Variants in SLC9A9 observed in about 807,000 individuals in gnomAD.
The protein encoded by SLC9A9 is solute carrier family 9 member A9, also known as sodium/hydrogen exchanger 9.
Under a neutral mutation model 77.8 loss-of-function variants are expected in SLC9A9, and 62 were observed. The ratio of observed to expected loss-of-function variants is 0.80; its 90% CI spans 0.65 to 0.98. The LOEUF (loss-of-function observed/expected upper bound fraction) is 0.98, where lower values mean the gene tolerates loss of function less well. SLC9A9 is among the 50% of genes least tolerant of loss of function. The pLI is 0.00. For synonymous variants in SLC9A9, 320 were observed against 283.5 expected (o/e 1.13, Z -1.29); for missense variants, 775 against 774.9 (o/e 1.00, Z 0.00).
At chr3:143,569,760 A>G (rs144860864) in intron 8 of SLC9A9, among the ~76,000 whole-genome samples, 85 of 151,742 alleles carry the variant, frequency 5.6e-4, no homozygotes, top group African/African-American at 2.0e-3. Flanking sequence ...AAATTGGAGA[A>G]TATTTATGGC....
chr3:143,530,423 G>A (rs554232643), intron 9 of SLC9A9, among the ~76,000 whole-genome samples: 1 of 152,262 alleles, frequency 6.6e-6, no homozygotes, highest in East Asian at 1.9e-4. Flanking sequence ...TTGCCACAGT[G>A]TAAGACTTGC....
At chr3:143,773,007 A>C (rs1056405925) in intron 4 of SLC9A9, among the ~76,000 whole-genome samples, 1 of 152,246 alleles carries the variant, frequency 6.6e-6, no homozygotes, top group Non-Finnish European at 1.5e-5. Context: ...ACAGAAGATC[A>C]TTGTTGGAAA....
intron 9 of SLC9A9, among the ~76,000 whole-genome samples, chr3:143,549,230 C>T (rs979981172): frequency 6.6e-6 from 1 of 152,214 alleles, no homozygotes; most frequent in Admixed American, 6.5e-5. Context: ...CTGCTTGTTA[C>T]ACTAGTGCAG....
At chr3:143,781,093 T>A (rs2007857522) in intron 4 of SLC9A9, among the ~76,000 whole-genome samples, 6 of 152,298 alleles carry the variant, frequency 3.9e-5, no homozygotes, top group African/African-American at 1.2e-4. Flanking sequence ...GTGGTACATG[T>A]GTTACAATTT....
chr3:143,558,450 A>T (rs2037025500), intron 8 of SLC9A9, among the ~76,000 whole-genome samples: 1 of 152,208 alleles, frequency 6.6e-6, no homozygotes, highest in Non-Finnish European at 1.5e-5. Context: ...AGCAGCTGAG[A>T]CAGGGTTGTA....
chr3:143,501,221 C>G (rs1013412929), intron 9 of SLC9A9, among the ~76,000 whole-genome samples: 3 of 150,080 alleles, frequency 2.0e-5, no homozygotes, highest in East Asian at 3.9e-4. Flanking sequence ...ATGTAACAGC[C>G]TATATTTTAG....
chr3:143,324,637 C>T (rs1347103889), intron 14 of SLC9A9, among the ~76,000 whole-genome samples: 2 of 152,048 alleles, frequency 1.3e-5, no homozygotes, highest in Non-Finnish European at 2.9e-5. Flanking sequence ...GCCTGGGCAA[C>T]ATGGCAAACC....
chr3:143,606,866 G>C (rs915287945), intron 6 of SLC9A9, among the ~76,000 whole-genome samples: 11 of 151,942 alleles, frequency 7.2e-5, no homozygotes, highest in Non-Finnish European at 1.3e-4. Flanking sequence ...GAAGAAAGAA[G>C]GTAGGTGAGA....
chr3:143,780,829 G>A (rs2007849033), intron 4 of SLC9A9, among the ~76,000 whole-genome samples: 2 of 152,002 alleles, frequency 1.3e-5, no homozygotes, highest in Admixed American at 6.6e-5. Flanking sequence ...GGAGCAATAG[G>A]GTCATAGGAA....
At chr3:143,454,812 G>A (rs1411465214) in intron 12 of SLC9A9, among the ~76,000 whole-genome samples, 2 of 152,186 alleles carry the variant, frequency 1.3e-5, no homozygotes, top group African/African-American at 4.8e-5. Flanking sequence ...CTTTCTGGCT[G>A]TCAGCCAGGT....
chr3:143,791,766 C>T (rs369867002), intron 4 of SLC9A9, among the ~76,000 whole-genome samples: 77 of 152,276 alleles, frequency 5.1e-4, no homozygotes, highest in African/African-American at 1.8e-3. Context: ...CTCCCCCTGC[C>T]CATTTCATGC....
rs192992464 is a variant in SLC9A9 at position 143,379,438 on chromosome 3, A to C, written c.1524+2622T>G. The stretch of plus-strand genomic sequence containing the variant: ...CACTGTTTCCTGTACTTGATACTGA[A>C]GATAAGCATTATCCCAATGTGTGGA... On this transcript the variant is annotated intron_variant, in intron 13 of 15. Coordinates refer to ENST00000316549, the MANE Select transcript of SLC9A9 (RefSeq NM_173653.4). Among the ~76,000 whole-genome samples, 189 of 152,356 alleles carry C rather than the reference A, an allele frequency of 1.2e-3. 3 individuals carry two copies. Among genetic ancestry groups the C allele is most frequent in the Admixed American group, 0.011 (173 of 15,306 alleles).
At chr3:143,587,519 C>A (rs995846607) in intron 6 of SLC9A9, among the ~76,000 whole-genome samples, 41 of 152,178 alleles carry the variant, frequency 2.7e-4, no homozygotes, top group African/African-American at 9.2e-4. Flanking sequence ...CACAAGGAGG[C>A]CAGCATGGCT....
At chr3:143,749,930 T>C (rs1195104131) in intron 4 of SLC9A9, among the ~76,000 whole-genome samples, 1 of 152,238 alleles carries the variant, frequency 6.6e-6, no homozygotes, top group Non-Finnish European at 1.5e-5. Context: ...GATTAAACTC[T>C]ACCAGTGAGT....
intron 13 of SLC9A9, among the ~76,000 whole-genome samples, chr3:143,374,433 A>G (rs2033132388): frequency 6.6e-6 from 1 of 150,440 alleles, no homozygotes; most frequent in Admixed American, 6.6e-5. Context: ...AAAAAAAAAA[A>G]AAAAAAAAAA....
intron 14 of SLC9A9, among the ~76,000 whole-genome samples, chr3:143,355,998 A>C (rs1258450311): frequency 2.0e-5 from 3 of 152,196 alleles, no homozygotes; most frequent in Non-Finnish European, 4.4e-5. Context: ...AAACTTTTCC[A>C]GGGAAAAAAG....
At chr3:143,341,565 A>G (rs536678398) in intron 14 of SLC9A9, among the ~76,000 whole-genome samples, 1 of 152,262 alleles carries the variant, frequency 6.6e-6, no homozygotes, top group African/African-American at 2.4e-5. Context: ...AGCTGTGCCA[A>G]ATGTTTGAGG....
At chr3:143,504,857 A>G (rs866582235) in intron 9 of SLC9A9, among the ~76,000 whole-genome samples, 29 of 152,192 alleles carry the variant, frequency 1.9e-4, no homozygotes, top group African/African-American at 6.8e-4. Flanking sequence ...GGAAGAGGTC[A>G]GTTGTCCTGA....
chr3:143,776,832 T>A (rs1212992112), intron 4 of SLC9A9, among the ~76,000 whole-genome samples: 4 of 152,368 alleles, frequency 2.6e-5, no homozygotes, highest in Non-Finnish European at 1.5e-5. Context: ...ATGGTTGGAA[T>A]ATTGTTTTGA....
Sources: allele counts gnomAD v4.1 joint callset (sites outside exome capture counted in the v4.1 genomes callset), GRCh38; gene constraint gnomAD v4.1.1; transcripts MANE v1.5; gene names NCBI Gene and HGNC (gene_info 2026-07-23, HGNC 2026-07-21).